MGAT4C: variants seen among roughly 807,000 people sequenced by gnomAD.
MGAT4C encodes the protein alpha-1,3-mannosyl-glycoprotein 4-beta-N-acetylglucosaminyltransferase C.
A neutral mutation model predicts 40.1 loss-of-function variants in MGAT4C; 19 were observed. The ratio of observed to expected loss-of-function variants is 0.47; its 90% CI spans 0.33 to 0.70. The LOEUF (loss-of-function observed/expected upper bound fraction) is 0.70. Ranked by LOEUF, MGAT4C falls within the 30% of genes least tolerant of loss-of-function variation. MGAT4C has a pLI of 0.02. For missense variants in MGAT4C, 491 were observed against 563.2 expected (o/e 0.87, Z 1.30); for synonymous variants, 181 against 187.1 (o/e 0.97, Z 0.27).
chr12:85,980,478 G>A, intron 4 of MGAT4C, 48 bp from the exon 5 acceptor site: 1 of 1,475,358 alleles, frequency 6.8e-7, no homozygotes, highest in South Asian at 1.4e-5. Flanking sequence ...TAGAAATATG[G>A]AAAAAGTAAA....
intron 3 of MGAT4C, among the ~76,000 whole-genome samples, chr12:86,404,310 A>G (rs1407508924): frequency 6.6e-6 from 1 of 152,214 alleles, no homozygotes; most frequent in Non-Finnish European, 1.5e-5. Flanking sequence ...CTGAACAGTG[A>G]CTTCCAAGTA....
intron 3 of MGAT4C, among the ~76,000 whole-genome samples, chr12:86,385,337 C>T (rs529069701): frequency 6.6e-6 from 1 of 152,032 alleles, no homozygotes; most frequent in Admixed American, 6.6e-5. Flanking sequence ...AAATCCTATT[C>T]CTCTTAGCTC....
chr12:85,994,271 C>A (rs1315428246), intron 2 of MGAT4C, among the ~76,000 whole-genome samples: 3 of 152,214 alleles, frequency 2.0e-5, no homozygotes, highest in Admixed American at 2.0e-4. Flanking sequence ...CCAAATTCTG[C>A]AAATTGTAAT....
At chr12:86,779,135 C>G (rs999962537) in intron 1 of MGAT4C, among the ~76,000 whole-genome samples, 11 of 151,898 alleles carry the variant, frequency 7.2e-5, no homozygotes, top group African/African-American at 2.7e-4. Flanking sequence ...TAGATGTGTT[C>G]AATTCTAAAC....
chr12:86,583,826 A>C (rs978344241), intron 2 of MGAT4C, among the ~76,000 whole-genome samples: 5 of 151,170 alleles, frequency 3.3e-5, no homozygotes, highest in African/African-American at 2.4e-5. Context: ...TAAAGTATTT[A>C]TTGTATCCCT....
intron 1 of MGAT4C, among the ~76,000 whole-genome samples, chr12:86,760,924 C>T (rs1951393612): frequency 1.3e-5 from 2 of 152,086 alleles, no homozygotes; most frequent in Non-Finnish European, 2.9e-5. Context: ...TATCAGTGAT[C>T]ACATTGTGGC....
At chr12:86,293,984 C>T (rs1005647428) in intron 4 of MGAT4C, among the ~76,000 whole-genome samples, 4 of 152,112 alleles carry the variant, frequency 2.6e-5, no homozygotes, top group African/African-American at 7.2e-5. Flanking sequence ...CACTTTTCTT[C>T]TTTGATTCTT....
intron 3 of MGAT4C, among the ~76,000 whole-genome samples, chr12:86,394,650 T>C (rs1010258831): frequency 4.2e-4 from 61 of 146,318 alleles, no homozygotes; most frequent in African/African-American, 1.5e-3. Context: ...TTTTTTTTTT[T>C]TGAGACAGAG....
At chr12:86,162,717 G>A (rs148045430) in intron 1 of MGAT4C, among the ~76,000 whole-genome samples, 197 of 152,242 alleles carry the variant, frequency 1.3e-3, no homozygotes, top group African/African-American at 4.4e-3. Context: ...GCTATTGACA[G>A]CAAATATATC....
chr12:86,493,346 A>G (rs1186975515), intron 2 of MGAT4C, among the ~76,000 whole-genome samples: 3 of 152,034 alleles, frequency 2.0e-5, no homozygotes, highest in Admixed American at 6.6e-5. Context: ...ACACATGAAC[A>G]CGTATGTTTA....
intron 3 of MGAT4C, among the ~76,000 whole-genome samples, chr12:86,361,519 C>G (rs1955469604): frequency 6.6e-6 from 1 of 152,108 alleles, no homozygotes; most frequent in African/African-American, 2.4e-5. Flanking sequence ...TTCTGCACAG[C>G]AAAAGAAACT....
At chr12:86,575,147 A>G (rs10745422) in intron 2 of MGAT4C, among the ~76,000 whole-genome samples, 141,391 of 151,742 alleles carry the variant, frequency 0.93, 65,956 homozygotes, top group East Asian at 1. Context: ...TCATGTCACC[A>G]GAATTAGCTT....
Position 86,571,984 on chromosome 12 carries a change from T to A in MGAT4C, c.-228-136719A>T, listed in dbSNP as rs1032883430. Among the ~76,000 whole-genome samples, 4 of 152,262 alleles carry A rather than the reference T, an allele frequency of 2.6e-5. No homozygotes were observed. The South Asian group carries it at 6.2e-4, about 24-fold the overall frequency. On this transcript the variant is annotated intron_variant, in intron 2 of 7. Transcript: ENST00000548651. ...TCTTTTACTTTTATCAATAAAATTA[T>A]GCCCCTTCCAACAACTTAAAGCGAT... is the stretch of plus-strand genomic sequence containing the variant.
chr12:86,164,603 T>G (rs941537112), intron 1 of MGAT4C, among the ~76,000 whole-genome samples: 1 of 152,106 alleles, frequency 6.6e-6, no homozygotes, highest in African/African-American at 2.4e-5. Context: ...TGAGCACATG[T>G]TAGGGATGGT....
intron 3 of MGAT4C, among the ~76,000 whole-genome samples, chr12:86,425,880 CA>C (rs1240210794): frequency 1.3e-5 from 2 of 152,088 alleles, no homozygotes; most frequent in East Asian, 3.9e-4. Context: ...TTCTAATTTG[CA>C]AATGACTTAT....
At chr12:86,464,699 A>C (rs1957654358) in intron 2 of MGAT4C, among the ~76,000 whole-genome samples, 1 of 152,154 alleles carries the variant, frequency 6.6e-6, no homozygotes, top group Admixed American at 6.5e-5. Flanking sequence ...TTATTCAATT[A>C]GATCTTTTAC....
intron 1 of MGAT4C, among the ~76,000 whole-genome samples, chr12:86,248,531 T>C (rs779782037): frequency 6.6e-6 from 1 of 152,178 alleles, no homozygotes; most frequent in Non-Finnish European, 1.5e-5. Context: ...CACGCTCTTA[T>C]GCAAGAATGC....
chr12:86,830,831 T>C (rs1479466529), intron 1 of MGAT4C, among the ~76,000 whole-genome samples: 1 of 151,832 alleles, frequency 6.6e-6, no homozygotes, highest in Non-Finnish European at 1.5e-5. Flanking sequence ...AGAGGAGCTG[T>C]GAAGGTTTTA....
At chr12:86,688,238 T>C (rs139069238) in intron 2 of MGAT4C, among the ~76,000 whole-genome samples, 8 of 151,280 alleles carry the variant, frequency 5.3e-5, no homozygotes, top group African/African-American at 1.9e-4. Flanking sequence ...CTTATGTGTG[T>C]CTTTGCACAT....
Sources: gnomAD v4.1 joint callset for allele counts (sites outside exome capture counted in the v4.1 genomes callset) on GRCh38, gnomAD v4.1.1 for gene constraint, MANE v1.5 for transcripts, NCBI Gene and HGNC (gene_info 2026-07-23, HGNC 2026-07-21) for gene names.